Variants in KLF17 observed in about 807,000 individuals in gnomAD.
KLF17 encodes the protein KLF transcription factor 17.
Under a neutral mutation model 34.2 loss-of-function variants are expected in KLF17, and 31 were observed. That is an observed-to-expected ratio of 0.91 (90% CI 0.68 to 1.22). The LOEUF is 1.22. Among genes scored for constraint, KLF17 ranks in the 50% most tolerant of loss-of-function variants. The pLI, the probability that KLF17 is intolerant of heterozygous loss-of-function variation, is 0.00. For missense variants in KLF17, 478 were observed against 505.2 expected (o/e 0.95, Z 0.52); for synonymous variants, 179 against 186.7 (o/e 0.96, Z 0.34).
chr1:44,134,270 C>G lies in KLF17; in HGVS notation c.*1033C>G, dbSNP rs1335519585. On this transcript the variant is annotated 3_prime_UTR_variant, in exon 4 of 4. Transcript: ENST00000372299. Reference sequence around the variant, plus strand: ...ATTGGGCCCGGCGCGATGGCTCACGCCTGTAATCCCAGCACTTTTGGAGGC... The same window carrying G: ...ATTGGGCCCGGCGCGATGGCTCACGGCTGTAATCCCAGCACTTTTGGAGGC... 1 of 152,236 alleles carries G rather than the reference C, an allele frequency of 6.6e-6. No homozygotes were observed. The highest frequency in any genetic ancestry group is 6.5e-5 in the Admixed American group (1 of 15,288). 9.4% of individuals were successfully genotyped at this position (152,236 alleles called of 1,614,324 possible).
the KLF17 span, among the ~76,000 whole-genome samples, chr1:44,056,963 C>T: frequency 1.3e-5 from 2 of 152,106 alleles, no homozygotes; most frequent in East Asian, 3.9e-4. Context: ...AACCCTGCTA[C>T]CCTGTTGATG....
chr1:44,103,396 T>C, the KLF17 span: 1 of 764,066 alleles, frequency 1.3e-6, no homozygotes, highest in East Asian at 2.5e-5. Context: ...ACCACGGCCC[T>C]GGTGGAGCTG....
chr1:44,099,939 G>A, the KLF17 span, among the ~76,000 whole-genome samples: 2 of 126,332 alleles, frequency 1.6e-5, no homozygotes, highest in South Asian at 5.7e-4. Context: ...AGGGAGGGAG[G>A]GAGACAAAGA....
upstream of KLF17, among the ~76,000 whole-genome samples, chr1:44,118,555 C>G (rs1571982038): frequency 6.6e-6 from 1 of 152,204 alleles, no homozygotes; most frequent in African/African-American, 2.4e-5. Context: ...AGTTGGAGAC[C>G]TGGGTGTCCT....
At chr1:44,072,149 A>C in the KLF17 span, among the ~76,000 whole-genome samples, 2 of 151,690 alleles carry the variant, frequency 1.3e-5, no homozygotes, top group Non-Finnish European at 2.9e-5. Context: ...GTGGGGAGAG[A>C]AAAAAGAAAG....
chr1:44,094,657 A>G, the KLF17 span, among the ~76,000 whole-genome samples: 11 of 152,058 alleles, frequency 7.2e-5, no homozygotes, highest in African/African-American at 2.7e-4. Context: ...CTGTAAATGC[A>G]TTAATTTTAT....
rs1194743535 is a variant in KLF17, at chr1:44,130,538, G to A, written c.952G>A (p.Glu318Lys). 2.5e-6 allele frequency: 4 copies of A among 1,614,130 alleles called. No homozygotes were observed. The highest frequency in any genetic ancestry group is 2.5e-6 in the Non-Finnish European group (3 of 1,180,010). ...TGERPYSCNWESCSWSFFRSD... is the reference protein window; with the variant it reads ...TGERPYSCNWKSCSWSFFRSD... Reference sequence around the variant, plus strand: ...TGAGAGGCCATATTCTTGCAACTGGGAAAGTTGTTCATGGTCTTTCTTCCG... The same window carrying A: ...TGAGAGGCCATATTCTTGCAACTGGAAAAGTTGTTCATGGTCTTTCTTCCG... Residue 318 changes from glutamate (E) to lysine (K), a missense_variant, in exon 3 of 4, where the codon GAA becomes AAA. Transcript: ENST00000372299.
At position 44,122,039 on chromosome 1, in the gene KLF17, CT is replaced by C. The variant is rs1269705662; in HGVS notation, c.81+3057del. 2.8e-5 allele frequency: 20 copies of C among 715,940 alleles called. No homozygotes were observed. In the African/African-American group the frequency reaches 3.2e-4, roughly 12 times the overall value. 44.3% of individuals were successfully genotyped at this position (715,940 alleles called of 1,614,324 possible). ...ATTTCCTTTTCCTTTATGTCTTTTC[CT>C]TTTTTCATTTTTTTGTCCCACTTTT... On this transcript the variant is annotated intron_variant, in intron 1 of 3. Transcript: ENST00000372299.
chr1:44,121,496 C>A (rs907670331), intron 1 of KLF17, among the ~76,000 whole-genome samples: 1 of 152,186 alleles, frequency 6.6e-6, no homozygotes, highest in Non-Finnish European at 1.5e-5. Context: ...GTAGCTGGTA[C>A]GTCCAAACCA....
chr1:44,083,374 A>G, the KLF17 span, among the ~76,000 whole-genome samples: 1 of 152,024 alleles, frequency 6.6e-6, no homozygotes, highest in Non-Finnish European at 1.5e-5. Context: ...TTCTCTTGAA[A>G]GTTGTAACCT....
intron 1 of KLF17, among the ~76,000 whole-genome samples, chr1:44,127,692 T>TTCTCTTTCTTTC (rs753421834): frequency 2.2e-5 from 2 of 90,136 alleles, no homozygotes; most frequent in Non-Finnish European, 4.1e-5. Flanking sequence ...CTTTCTTTCT[T>TTCTCTTTCTTTC]TTTCTTTCTT....
chr1:44,111,786 C>T, the KLF17 span, among the ~76,000 whole-genome samples: 7 of 152,104 alleles, frequency 4.6e-5, no homozygotes, highest in South Asian at 4.1e-4. Flanking sequence ...CCAGCTACTC[C>T]GGAGGCTGAG....
chr1:44,050,056 TAC>T, the KLF17 span, among the ~76,000 whole-genome samples: 4 of 152,326 alleles, frequency 2.6e-5, no homozygotes, highest in Middle Eastern at 0.01. Flanking sequence ...CATCTTGGAG[TAC>T]AGTTACTGTC....
chr1:44,109,529 G>A, the KLF17 span, among the ~76,000 whole-genome samples: 2 of 152,162 alleles, frequency 1.3e-5, no homozygotes, highest in Non-Finnish European at 2.9e-5. Context: ...TTTTACCAGT[G>A]TAGAATATAA....
the KLF17 span, among the ~76,000 whole-genome samples, chr1:44,100,677 A>G: frequency 6.6e-6 from 1 of 151,512 alleles, no homozygotes; most frequent in East Asian, 1.9e-4. Flanking sequence ...TTTTTTTGAG[A>G]CAGAGTCTCA....
At chr1:44,089,693 T>A in the KLF17 span, among the ~76,000 whole-genome samples, 3 of 152,216 alleles carry the variant, frequency 2.0e-5, no homozygotes, top group African/African-American at 4.8e-5. Flanking sequence ...ACTTCTGAGT[T>A]GCCAAAGATA....
chr1:44,069,448 G>A, the KLF17 span, among the ~76,000 whole-genome samples: 54 of 151,150 alleles, frequency 3.6e-4, no homozygotes, highest in African/African-American at 1.3e-3. This position sits in a 1 kb window ranked among gnomAD's most constrained non-coding sequence, Gnocchi z 4.7. Context: ...GAAGGCGGAG[G>A]GGAGCCAGTG....
the KLF17 span, among the ~76,000 whole-genome samples, chr1:44,061,757 A>C: frequency 6.6e-6 from 1 of 152,122 alleles, no homozygotes; most frequent in Non-Finnish European, 1.5e-5. Context: ...ATCGCTACCA[A>C]AAATACAAAA....
the KLF17 span, among the ~76,000 whole-genome samples, chr1:44,085,833 G>GGA: frequency 2.7e-5 from 3 of 111,032 alleles, no homozygotes; most frequent in African/African-American, 1.0e-4. Flanking sequence ...AAAAAAAAAA[G>GGA]GAGAGAGAGA....
Sources: allele counts gnomAD v4.1 joint callset (sites outside exome capture counted in the v4.1 genomes callset), GRCh38; gene constraint gnomAD v4.1.1; non-coding constraint Gnocchi (gnomAD v3.1); transcripts MANE v1.5; gene names NCBI Gene and HGNC (gene_info 2026-07-23, HGNC 2026-07-21).